Variants in MTERF3 observed in about 807,000 individuals in gnomAD.
The protein encoded by MTERF3 is transcription termination factor 3, mitochondrial.
MTERF3 carries 40 observed loss-of-function variants against 40.5 expected under a neutral mutation model. The ratio of observed to expected loss-of-function variants is 0.99; its 90% CI spans 0.77 to 1.29. The LOEUF (loss-of-function observed/expected upper bound fraction) is 1.29. Among genes scored for constraint, MTERF3 ranks in the 50% most tolerant of loss-of-function variants. MTERF3 has a pLI of 0.00. For synonymous variants in MTERF3, 158 were observed against 166.6 expected (o/e 0.95, Z 0.40); for missense variants, 452 against 478.2 (o/e 0.95, Z 0.51).
intron 6 of MTERF3, among the ~76,000 whole-genome samples, chr8:96,245,137 C>G (rs903809426): frequency 2.6e-5 from 4 of 151,994 alleles, no homozygotes; most frequent in Non-Finnish European, 5.9e-5. Context: ...TGGATTTGAT[C>G]CCCCACTAGA....
At position 96,246,357 on chromosome 8, in the gene MTERF3, C is replaced by G. The variant is rs762868325; in HGVS notation, c.775G>C (p.Asp259His). 6.2e-7 allele frequency: 1 copy of G among 1,612,448 alleles called. No homozygotes were observed. Among genetic ancestry groups the G allele is most frequent in the Non-Finnish European group, 8.5e-7 (1 of 1,179,694 alleles). Residue 259 changes from aspartate to histidine, a missense_variant, in exon 5 of 8, where the codon GAT (aspartate) becomes CAT (histidine). Transcript: ENST00000287025. ...TTCTGAAAAAATCCCAATCTGTTAT[C>G]CAGTCTTTCCACTGAAAAGTTCAGC... is the stretch of plus-strand genomic sequence containing the variant. Reference protein sequence around the residue: ...FLLNFSVERLDNRLGFFQKEL... With the variant: ...FLLNFSVERLHNRLGFFQKEL...
intron 3 of MTERF3, among the ~76,000 whole-genome samples, chr8:96,256,039 C>T (rs118134678): frequency 0.013 from 2,000 of 152,280 alleles, 39 homozygotes; most frequent in East Asian, 0.046. Context: ...AATCCAGTTC[C>T]TCTCAATGCA....
At chr8:96,243,479 A>G (rs938795001) in intron 7 of MTERF3, among the ~76,000 whole-genome samples, 1 of 152,236 alleles carries the variant, frequency 6.6e-6, no homozygotes, top group Non-Finnish European at 1.5e-5. Context: ...CTCACTAGGT[A>G]AAGAATATGG....
In MTERF3 at chr8:96,251,077, A is replaced by C. The variant is rs761594515; in HGVS notation, c.506T>G (p.Ile169Arg). The change falls in exon 4 of 8, where the codon ATA becomes AGA. Residue 169 changes from isoleucine (I) to arginine (R), a missense_variant. Ile to Arg is a moderately conservative substitution (Grantham distance 97, BLOSUM62 -3). Transcript: ENST00000287025. The stretch of plus-strand genomic sequence containing the variant: ...GTTTGCTGCTTCTGGATGTTTTTCT[A>C]TCTTGGACAAATCCACGCCTATAAT... The part of the protein sequence containing the change: ...LVLLGVDLSK[I>R]EKHPEAANLL... 2.5e-6 allele frequency: 4 copies of C among 1,582,354 alleles called. No homozygotes were observed. Among genetic ancestry groups the C allele is most frequent in the African/African-American group, 1.4e-5 (1 of 72,414 alleles).
Position 96,252,689 on chromosome 8 carries a change from C to T in MTERF3, c.488-1594G>A, listed in dbSNP as rs537692438. Among the ~76,000 whole-genome samples the T allele has an allele frequency of 5.3e-5, 8 of 152,176 alleles. No homozygotes were observed. The South Asian group carries it at 1.7e-3, about 32-fold the overall frequency. ...GATGGACAAATAAATAAGATGAAAA[C>T]CAGTTCCAAAAATCTGTGATAAATG... On this transcript the variant is annotated intron_variant, in intron 3 of 7. Coordinates refer to ENST00000287025, the MANE Select transcript of MTERF3 (RefSeq NM_015942.5).
chr8:96,257,166 T>G, intron 2 of MTERF3, 52 bp from the exon 3 acceptor site: 1 of 1,525,614 alleles, frequency 6.6e-7, no homozygotes, highest in South Asian at 1.3e-5. Context: ...TTAAAACTAT[T>G]TCTGCAAAGA....
At chr8:96,246,578 T>A in intron 4 of MTERF3, 124 bp from the exon 5 acceptor site, 1 of 782,218 alleles carries the variant, frequency 1.3e-6, no homozygotes, top group Non-Finnish European at 1.9e-6. Context: ...CCTAAATTAC[T>A]AACTAAATAA....
intron 3 of MTERF3, among the ~76,000 whole-genome samples, chr8:96,255,755 CA>C (rs2129939597): frequency 1.3e-5 from 2 of 151,528 alleles, no homozygotes; most frequent in East Asian, 3.9e-4. Flanking sequence ...GAATGACAAA[CA>C]AAAAATGAGA....
chr8:96,244,652 C>T (rs571814611), intron 6 of MTERF3, among the ~76,000 whole-genome samples: 3 of 152,184 alleles, frequency 2.0e-5, no homozygotes, highest in East Asian at 3.9e-4. Flanking sequence ...CTGCCCACCT[C>T]GGCCTCCCAT....
intron 3 of MTERF3, among the ~76,000 whole-genome samples, chr8:96,255,682 T>C (rs1047354344): frequency 6.6e-6 from 1 of 150,946 alleles, no homozygotes; most frequent in African/African-American, 2.4e-5. Context: ...CCAAAGTTTC[T>C]AACAGAGCAC....
chr8:96,257,139 T>C (rs893815737), intron 2 of MTERF3, 25 bp from the exon 3 acceptor site: 1 of 1,601,792 alleles, frequency 6.2e-7, no homozygotes, highest in African/African-American at 1.3e-5. Flanking sequence ...AACAAATTAG[T>C]GCTCTAATAT....
intron 7 of MTERF3, among the ~76,000 whole-genome samples, 153 bp downstream of exon 7, chr8:96,243,766 A>C (rs756433606): frequency 1.3e-5 from 2 of 152,218 alleles, no homozygotes; most frequent in Non-Finnish European, 2.9e-5. Flanking sequence ...AACTCCAGGG[A>C]AAGAGACTAA....
intron 3 of MTERF3, 23 bp downstream of exon 3, chr8:96,256,939 A>T: frequency 6.3e-7 from 1 of 1,584,690 alleles, no homozygotes; most frequent in Non-Finnish European, 8.6e-7. Context: ...TGCAAAAAGT[A>T]CTTGTAGTTT....
At chr8:96,243,658 T>C (rs930813095) in intron 7 of MTERF3, among the ~76,000 whole-genome samples, 2 of 152,220 alleles carry the variant, frequency 1.3e-5, no homozygotes, top group African/African-American at 4.8e-5. Context: ...AGGGAAGTGA[T>C]CTATTCCAAA....
intron 7 of MTERF3, among the ~76,000 whole-genome samples, chr8:96,242,758 A>C (rs971543789): frequency 6.6e-6 from 1 of 152,144 alleles, no homozygotes; most frequent in East Asian, 1.9e-4. Context: ...CATATAAAGC[A>C]ATTCTATTTT....
At chr8:96,249,630 A>C (rs182795642) in intron 4 of MTERF3, among the ~76,000 whole-genome samples, 1 of 152,306 alleles carries the variant, frequency 6.6e-6, no homozygotes, top group East Asian at 1.9e-4. Flanking sequence ...CTGATGGTTT[A>C]AGGAATCGCA....
At chr8:96,256,376 TG>T (rs1810279207) in intron 3 of MTERF3, among the ~76,000 whole-genome samples, 1 of 152,142 alleles carries the variant, frequency 6.6e-6, no homozygotes, top group Admixed American at 6.5e-5. Context: ...TAGGGTTACC[TG>T]GGAAAAACTG....
chr8:96,240,179 C>CG (rs1238136026), intron 7 of MTERF3, among the ~76,000 whole-genome samples: 2 of 150,870 alleles, frequency 1.3e-5, no homozygotes, highest in East Asian at 3.9e-4. Flanking sequence ...ACCCAGGAGA[C>CG]GGAGGTTGCA....
intron 7 of MTERF3, 197 bp from the exon 8 acceptor site, chr8:96,239,882 T>A: frequency 1.4e-6 from 1 of 699,400 alleles, no homozygotes; most frequent in Non-Finnish European, 2.6e-6. Flanking sequence ...AAAATCAACA[T>A]ACAAAACAAT....
Sources: gnomAD v4.1 joint callset for allele counts (sites outside exome capture counted in the v4.1 genomes callset) on GRCh38, gnomAD v4.1.1 for gene constraint, MANE v1.5 for transcripts, NCBI Gene and HGNC (gene_info 2026-07-23, HGNC 2026-07-21) for gene names.